The following PDGFD variants were observed in gnomAD, a reference collection of about 807,000 sequenced individuals.
PDGFD encodes platelet-derived growth factor D.
A neutral mutation model predicts 44.7 loss-of-function variants in PDGFD; 30 were observed. That is an observed-to-expected ratio of 0.67 (90% confidence interval 0.50 to 0.91). The LOEUF is 0.91. Ranked by LOEUF, PDGFD falls within the 40% of genes least tolerant of loss-of-function variation. The pLI, the probability that PDGFD is intolerant of heterozygous loss-of-function variation, is 0.00. For missense variants in PDGFD, 445 were observed against 457.8 expected (o/e 0.97, Z 0.25); for synonymous variants, 173 against 168.4 (o/e 1.03, Z -0.21).
At chr11:104,038,353 C>G (rs893592155) in intron 1 of PDGFD, 1 of 226,982 alleles carries the variant, frequency 4.4e-6, no homozygotes, top group East Asian at 1.0e-4. Context: ...TGCTATTTTG[C>G]AGAATTCCCT....
At chr11:103,945,383 G>C (rs1002503908) in intron 4 of PDGFD, among the ~76,000 whole-genome samples, 5 of 152,156 alleles carry the variant, frequency 3.3e-5, no homozygotes, top group Non-Finnish European at 7.3e-5. Flanking sequence ...TCACATGCTA[G>C]AGGTGGAAGA....
At chr11:104,103,460 GTGTATATATATA>G (rs1361537278) in intron 1 of PDGFD, among the ~76,000 whole-genome samples, 9 of 61,478 alleles carry the variant, frequency 1.5e-4, no homozygotes, top group African/African-American at 4.6e-4. Flanking sequence ...GTGTGTGTGT[GTGTATATATATA>G]TATATATATA....
chr11:104,073,906 G>A (rs1175204154), intron 1 of PDGFD, among the ~76,000 whole-genome samples: 2 of 152,152 alleles, frequency 1.3e-5, no homozygotes, highest in Non-Finnish European at 2.9e-5. Flanking sequence ...AGGTAAATTA[G>A]AACTAGTACT....
At chr11:103,969,136 C>A (rs117483362) in intron 3 of PDGFD, among the ~76,000 whole-genome samples, 1 of 152,126 alleles carries the variant, frequency 6.6e-6, no homozygotes, top group Non-Finnish European at 1.5e-5. Context: ...TTCATGCTTA[C>A]GCAGCTGCCA....
chr11:104,023,715 C>A (rs1264998341), intron 1 of PDGFD, among the ~76,000 whole-genome samples: 1 of 152,066 alleles, frequency 6.6e-6, no homozygotes, highest in African/African-American at 2.4e-5. Context: ...ATTTGCTCAG[C>A]ATTTTTCTTC....
chr11:104,027,549 A>G (rs1291773867), intron 1 of PDGFD, among the ~76,000 whole-genome samples: 1 of 152,232 alleles, frequency 6.6e-6, no homozygotes, highest in African/African-American at 2.4e-5. Context: ...AGGCTCGGAT[A>G]AATTAATGCT....
rs143963785 is a variant in PDGFD at position 104,035,629 on chromosome 11, G to A, written c.125-35374C>T. The stretch of plus-strand genomic sequence containing the variant: ...TGATAATATTTAATATTTAAACTCC[G>A]TAGATTCACATATGACTTCATCAAT... On this transcript the variant is annotated intron_variant, in intron 1 of 6. Coordinates refer to ENST00000393158, the MANE Select transcript of PDGFD (RefSeq NM_025208.5). Among the ~76,000 whole-genome samples, 476 of 132,208 alleles carry A rather than the reference G, an allele frequency of 3.6e-3. 3 individuals carry two copies. Among genetic ancestry groups the A allele is most frequent in the African/African-American group, 0.013 (433 of 34,150 alleles). The allele number at this position is 132,208 out of a possible 152,430, so 86.7% of individuals were successfully genotyped here. A position where few individuals can be genotyped will look rare whatever the true frequency, so the allele number is the denominator to read the frequency against.
chr11:104,030,742 G>A (rs1012599532), intron 1 of PDGFD, among the ~76,000 whole-genome samples: 3 of 152,130 alleles, frequency 2.0e-5, no homozygotes, highest in African/African-American at 7.2e-5. Flanking sequence ...GATACATCAA[G>A]GAAAGGATAG....
At chr11:103,985,173 T>A (rs1183035720) in intron 3 of PDGFD, among the ~76,000 whole-genome samples, 1 of 127,790 alleles carries the variant, frequency 7.8e-6, no homozygotes, top group Non-Finnish European at 1.7e-5. Context: ...TATAATATAT[T>A]AATTTATTTA....
intron 1 of PDGFD, among the ~76,000 whole-genome samples, chr11:104,076,335 T>C (rs601049): frequency 0.47 from 71,993 of 151,834 alleles, 18,967 homozygotes; most frequent in African/African-American, 0.72. Context: ...GTCCCCAGGG[T>C]TGTTTATTAT....
chr11:104,138,674 T>C (rs1370727750), intron 1 of PDGFD, among the ~76,000 whole-genome samples: 1 of 152,222 alleles, frequency 6.6e-6, no homozygotes, highest in Non-Finnish European at 1.5e-5. Context: ...CATCTTCAGT[T>C]CATCTGACTT....
At chr11:103,914,222 G>C (rs2134300619) in intron 6 of PDGFD, among the ~76,000 whole-genome samples, 1 of 152,294 alleles carries the variant, frequency 6.6e-6, no homozygotes, top group African/African-American at 2.4e-5. Context: ...GCCAGGGAGT[G>C]ATGGCCCTCA....
At chr11:103,960,334 T>C (rs1236705313) in intron 3 of PDGFD, among the ~76,000 whole-genome samples, 1 of 152,202 alleles carries the variant, frequency 6.6e-6, no homozygotes, top group East Asian at 1.9e-4. Flanking sequence ...TTAGCTGAGA[T>C]ATTCTTTGGA....
intron 1 of PDGFD, among the ~76,000 whole-genome samples, chr11:104,065,578 G>C (rs968513507): frequency 1.3e-5 from 2 of 152,030 alleles, no homozygotes; most frequent in Admixed American, 1.3e-4. Context: ...AATAGAATTG[G>C]CTTTTAAAAA....
intron 1 of PDGFD, among the ~76,000 whole-genome samples, chr11:104,130,894 T>A (rs1861910127): frequency 6.6e-6 from 1 of 152,228 alleles, no homozygotes; most frequent in Non-Finnish European, 1.5e-5. Flanking sequence ...CCATCAATTA[T>A]AAGATGCACA....
chr11:103,943,972 A>T (rs1473462310), intron 4 of PDGFD, among the ~76,000 whole-genome samples: 1 of 152,200 alleles, frequency 6.6e-6, no homozygotes, highest in Admixed American at 6.6e-5. Context: ...TTCTTGGTTC[A>T]TGGTCCCAAA....
chr11:103,938,187 C>T (rs1858523287), intron 5 of PDGFD, among the ~76,000 whole-genome samples: 3 of 152,072 alleles, frequency 2.0e-5, no homozygotes, highest in Admixed American at 1.3e-4. Context: ...AAAAGTGTTC[C>T]TATTTCTCCA....
rs149741224 is a variant in PDGFD, at chr11:103,996,116, G to A, written c.459C>T (p.Ser153=). The change falls in exon 3 of 7, where the codon TCC becomes TCT. Residue 153 remains serine (S), a synonymous_variant. Coordinates refer to ENST00000393158, the MANE Select transcript of PDGFD (RefSeq NM_025208.5). ...CAGGTTTAGCCACAAAGTAGTCATC[G>A]GACTTGAATGTGATTTTAATTTGGT... ...RTNQIKITFK[S]DDYFVAKPGF... 2.2e-4 allele frequency: 358 copies of A among 1,613,634 alleles called. No homozygotes were observed. The highest frequency in any genetic ancestry group is 1.7e-4 in the Middle Eastern group (1 of 6,050).
Position 104,053,079 on chromosome 11 carries a change from C to T in PDGFD, c.125-52824G>A, listed in dbSNP as rs1400565793. 7.2e-5 allele frequency among the ~76,000 whole-genome samples: 11 copies of T among 152,064 alleles called. No homozygotes were observed. In the South Asian group the frequency reaches 1.7e-3, roughly 23 times the overall value. On this transcript the variant is annotated intron_variant, in intron 1 of 6. Transcript: ENST00000393158. ...TGCTCATGATTTAATTGAACAAATA[C>T]TTTCTTATTATGAAAATTGGAATGG... is the stretch of plus-strand genomic sequence containing the variant.
Sources: allele counts gnomAD v4.1 joint callset (sites outside exome capture counted in the v4.1 genomes callset), GRCh38; gene constraint gnomAD v4.1.1; transcripts MANE v1.5; gene names NCBI Gene and HGNC (gene_info 2026-07-23, HGNC 2026-07-21).